The following UBE2D3 variants were observed in gnomAD, a reference collection of about 807,000 sequenced individuals.
The protein encoded by UBE2D3 is ubiquitin-conjugating enzyme E2 D3.
Under a neutral mutation model 22.8 loss-of-function variants are expected in UBE2D3, and 2 were observed. The ratio of observed to expected loss-of-function variants is 0.09; its 90% CI spans 0.04 to 0.28. The LOEUF (loss-of-function observed/expected upper bound fraction) is 0.28. Among genes scored for constraint, UBE2D3 ranks in the 10% least tolerant of loss-of-function variants. The probability of loss-of-function intolerance (pLI) is 1.00; values close to 1 mark genes in which losing one functional copy is unlikely to be tolerated. For missense variants in UBE2D3, 27 were observed against 182.5 expected (o/e 0.15, Z 4.91); for synonymous variants, 56 against 60.4 (o/e 0.93, Z 0.34).
intron 2 of UBE2D3, chr4:102,825,234 C>T: frequency 1.0e-6 from 1 of 985,986 alleles, no homozygotes; most frequent in Non-Finnish European, 1.2e-6. Flanking sequence ...GTTTCTAACA[C>T]TCACCGACAC....
At chr4:102,855,646 C>T (rs1401355180) in intron 1 of UBE2D3, among the ~76,000 whole-genome samples, 3 of 152,124 alleles carry the variant, frequency 2.0e-5, no homozygotes, top group Non-Finnish European at 4.4e-5. Context: ...CTGCTTCAAA[C>T]ACCTGGCCTC....
intron 1 of UBE2D3, among the ~76,000 whole-genome samples, chr4:102,867,822 C>A (rs1733221946): frequency 6.6e-6 from 1 of 152,162 alleles, no homozygotes; most frequent in Non-Finnish European, 1.5e-5. Flanking sequence ...AAAATTAAAA[C>A]CTTCAAGATC....
chr4:102,820,997 A>G (rs947819531), intron 2 of UBE2D3, among the ~76,000 whole-genome samples: 16 of 152,222 alleles, frequency 1.1e-4, no homozygotes, highest in Admixed American at 9.2e-4. Flanking sequence ...ATGTTTCAAC[A>G]AAGTATAAAA....
At chr4:102,866,681 T>A (rs1291761351) in intron 1 of UBE2D3, among the ~76,000 whole-genome samples, 1 of 152,190 alleles carries the variant, frequency 6.6e-6, no homozygotes, top group Non-Finnish European at 1.5e-5. Context: ...TTTAAAAAAA[T>A]TCTTTCCTTT....
At chr4:102,867,391 ATGT>A (rs1460636386) in intron 1 of UBE2D3, among the ~76,000 whole-genome samples, 3 of 152,226 alleles carry the variant, frequency 2.0e-5, no homozygotes, top group Non-Finnish European at 4.4e-5. Context: ...TCGTTATTAT[ATGT>A]TGTTAAGTGT....
intron 1 of UBE2D3, among the ~76,000 whole-genome samples, chr4:102,851,665 GTTTTTTGT>G (rs1334655250): frequency 4.9e-4 from 58 of 118,368 alleles, no homozygotes; most frequent in African/African-American, 1.8e-3. Context: ...GTTTTGTTTT[GTTTTTTGT>G]TTTTTTTTTT....
chr4:102,847,231 A>G (rs976255342), intron 1 of UBE2D3, among the ~76,000 whole-genome samples: 3 of 152,176 alleles, frequency 2.0e-5, no homozygotes, highest in Non-Finnish European at 4.4e-5. Context: ...ATTACAGAAG[A>G]TAATCAACTC....
intron 1 of UBE2D3, 25 bp from the exon 2 acceptor site, chr4:102,826,661 G>T: frequency 6.5e-7 from 1 of 1,538,734 alleles, no homozygotes; most frequent in South Asian, 1.2e-5. Flanking sequence ...GAGCAGATCA[G>T]CACTCGCACA....
intron 2 of UBE2D3, among the ~76,000 whole-genome samples, chr4:102,823,801 A>C (rs223395): frequency 0.54 from 82,799 of 152,056 alleles, 23,138 homozygotes; most frequent in African/African-American, 0.68. Flanking sequence ...GCAAAGTATA[A>C]ATTCAAAAGC....
upstream of UBE2D3, chr4:102,827,707 G>C (rs998135389): frequency 1.9e-5 from 18 of 935,388 alleles, no homozygotes; most frequent in Admixed American, 8.9e-5. Flanking sequence ...TACGTGTCAA[G>C]CCCTTTTCCT....
intron 2 of UBE2D3, among the ~76,000 whole-genome samples, chr4:102,823,733 C>A (rs1729996310): frequency 2.0e-5 from 3 of 152,180 alleles, no homozygotes; most frequent in South Asian, 4.1e-4. Context: ...ATAAAGAATA[C>A]AGGAAAAAAG....
In UBE2D3 at chr4:102,797,400, G is replaced by C; in HGVS notation, c.*15C>G. ...TTCCAGCTATAATGCAGGTTATTCT[G>C]ACTTTAAGGTAGCATCACATGGCAT... On this transcript the variant is annotated 3_prime_UTR_variant, in exon 8 of 8. Coordinates refer to ENST00000453744, the MANE Select transcript of UBE2D3 (RefSeq NM_181891.3). The C allele has an allele frequency of 6.3e-7, 1 of 1,591,368 alleles. No homozygotes were observed. The highest frequency in any genetic ancestry group is 8.6e-7 in the Non-Finnish European group (1 of 1,166,796).
Position 102,797,340 on chromosome 4 carries a change from A to C in UBE2D3, c.*75T>G. 1 of 1,346,332 alleles carries C rather than the reference A, an allele frequency of 7.4e-7. No individual in the cohort carries two copies. The highest frequency in any genetic ancestry group is 1.0e-6 in the Non-Finnish European group (1 of 969,652). 83.4% of individuals were successfully genotyped at this position (1,346,332 alleles called of 1,614,324 possible). On this transcript the variant is annotated 3_prime_UTR_variant, in exon 8 of 8. Transcript: ENST00000453744. ...GGTCTGATAGGGGAGCAGCCGGATA[A>C]GAAAATCAAAAAAGGAACAGTAATT...
chr4:102,797,518 T>C (rs1348573434), intron 7 of UBE2D3, 58 bp from the exon 8 acceptor site: 7 of 1,393,314 alleles, frequency 5.0e-6, no homozygotes, highest in Non-Finnish European at 7.0e-6. Context: ...ATACTTTAAA[T>C]GGAAGGGAAA....
At chr4:102,828,284 T>C (rs144269878), upstream of UBE2D3, 6,287 of 985,056 alleles carry the variant, frequency 6.4e-3, 35 homozygotes, top group Non-Finnish European at 6.9e-3. Flanking sequence ...TTAGTCTAGC[T>C]CGGGCCGGGA....
At chr4:102,819,692 T>A in intron 2 of UBE2D3, 2 of 613,078 alleles carry the variant, frequency 3.3e-6, no homozygotes, top group Non-Finnish European at 4.1e-6. Context: ...TTTAAGACAG[T>A]AAAATTATCA....
intron 1 of UBE2D3, 157 bp from the exon 2 acceptor site, chr4:102,826,793 G>C: frequency 7.9e-7 from 1 of 1,265,022 alleles, no homozygotes. Context: ...AAGTGGGGGC[G>C]AGGGTGACGG....
chr4:102,846,768 T>A (rs905734060), intron 1 of UBE2D3, among the ~76,000 whole-genome samples: 1 of 151,602 alleles, frequency 6.6e-6, no homozygotes, highest in African/African-American at 2.4e-5. Context: ...ACCTTCTGAG[T>A]AGCTGGGACT....
chr4:102,812,809 CTT>C (rs1218686174), intron 2 of UBE2D3: 1 of 152,168 alleles, frequency 6.6e-6, no homozygotes, highest in African/African-American at 2.4e-5. Context: ...AGAATTGAGA[CTT>C]TGTCCCATTT....
Sources: allele counts gnomAD v4.1 joint callset (sites outside exome capture counted in the v4.1 genomes callset), GRCh38; gene constraint gnomAD v4.1.1; transcripts MANE v1.5; gene names NCBI Gene and HGNC (gene_info 2026-07-23, HGNC 2026-07-21).